ASIC2: variants seen among roughly 807,000 people sequenced by gnomAD.
The protein encoded by ASIC2 is acid-sensing ion channel 2.
A neutral mutation model predicts 57.3 loss-of-function variants in ASIC2; 25 were observed. The observed-to-expected ratio is 0.44, with a 90% CI of 0.32 to 0.61. ASIC2 has a LOEUF of 0.61. Among genes scored for constraint, ASIC2 ranks in the 20% least tolerant of loss-of-function variants. The pLI, the probability that ASIC2 is intolerant of heterozygous loss-of-function variation, is 0.06. For missense variants in ASIC2, 641 were observed against 738.1 expected (o/e 0.87, Z 1.52); for synonymous variants, 319 against 307.5 (o/e 1.04, Z -0.39).
In ASIC2 at chr17:33,014,067, C is replaced by G; in HGVS notation, c.1591-1G>C. 1 of 1,591,606 alleles carries G rather than the reference C, an allele frequency of 6.3e-7. No homozygotes were observed. The highest frequency in any genetic ancestry group is 8.6e-7 in the Non-Finnish European group (1 of 1,167,556). On this transcript the variant is annotated splice_acceptor_variant, in intron 9 of 9. Transcript: ENST00000225823. LOFTEE classifies it high-confidence loss of function. ...GGTTTGGCATTGTGTCACAAGTACTCTGGAAGGGAAGGGTTGGTGGGAGTT... is the reference window on the plus strand; with the variant it reads ...GGTTTGGCATTGTGTCACAAGTACTGTGGAAGGGAAGGGTTGGTGGGAGTT...
chr17:33,769,202 TG>T (rs1316968043), intron 1 of ASIC2, among the ~76,000 whole-genome samples: 2 of 152,196 alleles, frequency 1.3e-5, no homozygotes, highest in African/African-American at 4.8e-5. Context: ...TGCCATCCAT[TG>T]GGGTGTGGAC....
intron 1 of ASIC2, among the ~76,000 whole-genome samples, chr17:33,671,348 A>G (rs1907633498): frequency 6.6e-6 from 1 of 152,194 alleles, no homozygotes; most frequent in African/African-American, 2.4e-5. Flanking sequence ...CTTCAATAAT[A>G]AAGACTAACA....
At chr17:33,417,586 G>C (rs1672952296) in intron 1 of ASIC2, among the ~76,000 whole-genome samples, 1 of 152,120 alleles carries the variant, frequency 6.6e-6, no homozygotes, top group African/African-American at 2.4e-5. Flanking sequence ...TAGGCACTGG[G>C]GATGTGAAAA....
intron 1 of ASIC2, among the ~76,000 whole-genome samples, chr17:34,015,577 A>C (rs917367502): frequency 6.6e-6 from 1 of 152,164 alleles, no homozygotes; most frequent in African/African-American, 2.4e-5. Flanking sequence ...TCTCACAGGG[A>C]TGTTGTGGAA....
Position 33,947,600 on chromosome 17 carries a change from G to A in ASIC2, c.555+208378C>T, listed in dbSNP as rs34719329. Among the ~76,000 whole-genome samples, 1,155 of 152,266 alleles carry A rather than the reference G, an allele frequency of 7.6e-3. 23 individuals carry two copies. Among genetic ancestry groups the A allele is most frequent in the African/African-American group, 0.026 (1,099 of 41,536 alleles). On this transcript the variant is annotated intron_variant, in intron 1 of 9. Transcript: ENST00000359872. ...GGCAAAGGGACATTCGCATGCAAAAGCCACAAAGAAGGCATGTTCGACTGG... is the reference window on the plus strand; with the variant it reads ...GGCAAAGGGACATTCGCATGCAAAAACCACAAAGAAGGCATGTTCGACTGG...
intron 1 of ASIC2, among the ~76,000 whole-genome samples, chr17:34,144,778 C>A (rs1912373119): frequency 6.6e-6 from 1 of 152,172 alleles, no homozygotes; most frequent in Non-Finnish European, 1.5e-5. Flanking sequence ...ATGTTATTAT[C>A]TCAAGTGCCA....
At chr17:33,413,460 C>T (rs1910733345) in intron 1 of ASIC2, among the ~76,000 whole-genome samples, 1 of 152,150 alleles carries the variant, frequency 6.6e-6, no homozygotes, top group Non-Finnish European at 1.5e-5. Context: ...TCCAAGCTGC[C>T]CACTTCTCTC....
chr17:33,988,582 C>T (rs1420275199), intron 1 of ASIC2, among the ~76,000 whole-genome samples: 1 of 152,132 alleles, frequency 6.6e-6, no homozygotes, highest in Non-Finnish European at 1.5e-5. Flanking sequence ...CGACCCTTAG[C>T]AGATGCTGCT....
chr17:33,112,869 GAAAAC>G lies in ASIC2; in HGVS notation c.709-807_709-803del, dbSNP rs2092265100. 2 of 152,172 alleles carry G rather than the reference GAAAAC, an allele frequency of 1.3e-5. 1 individual carries two copies. Among genetic ancestry groups the G allele is most frequent in the Non-Finnish European group, 2.9e-5 (2 of 68,042 alleles). 9.4% of individuals were successfully genotyped at this position (152,172 alleles called of 1,614,324 possible). On this transcript the variant is annotated intron_variant, in intron 1 of 9. Transcript: ENST00000225823. ...AACCCTATCACATTAATCCTGTGCT[GAAAAC>G]CCATTAGAGATCCCTACGCTCTTTA...
chr17:33,642,660 T>A (rs3115693), intron 1 of ASIC2, among the ~76,000 whole-genome samples: 1 of 152,036 alleles, frequency 6.6e-6, no homozygotes, highest in Non-Finnish European at 1.5e-5. Context: ...CCCTTTGCTG[T>A]CCTTTCAGTT....
chr17:33,419,708 T>C (rs1910979158), intron 1 of ASIC2, among the ~76,000 whole-genome samples: 1 of 152,220 alleles, frequency 6.6e-6, no homozygotes, highest in Non-Finnish European at 1.5e-5. Flanking sequence ...AATTGTAGCA[T>C]TTTTGGTAAC....
chr17:34,137,574 G>A (rs376734940), intron 1 of ASIC2, among the ~76,000 whole-genome samples: 1 of 152,314 alleles, frequency 6.6e-6, no homozygotes, highest in African/African-American at 2.4e-5. Context: ...CTTTGTGTCC[G>A]TTGGGTGTTT....
intron 1 of ASIC2, among the ~76,000 whole-genome samples, chr17:33,355,461 A>G (rs1331715909): frequency 1.3e-5 from 2 of 151,846 alleles, no homozygotes; most frequent in African/African-American, 4.8e-5. Flanking sequence ...TTTCCATTGC[A>G]TAGTGTCCTG....
At chr17:33,224,712 T>C (rs1907815317) in intron 1 of ASIC2, among the ~76,000 whole-genome samples, 2 of 152,168 alleles carry the variant, frequency 1.3e-5, no homozygotes, top group Admixed American at 1.3e-4. Flanking sequence ...CCTCATGACT[T>C]ATGATATGGG....
intron 1 of ASIC2, among the ~76,000 whole-genome samples, chr17:33,590,368 G>A (rs1020565110): frequency 6.6e-6 from 1 of 152,132 alleles, no homozygotes; most frequent in African/African-American, 2.4e-5. Flanking sequence ...ACCATTGTGA[G>A]CCTCCAGTGA....
In ASIC2 at chr17:33,292,913, G is replaced by A; in HGVS notation, c.-798C>T. On this transcript the variant is annotated 5_prime_UTR_variant, in exon 1 of 10. Coordinates refer to ENST00000225823, the MANE Select transcript of ASIC2 (RefSeq NM_183377.2). ...GAGCTTCTCAGGGCGTCCTGCGGGA[G>A]GCTGTTCGCCGCCGGGGTCCTTCAA... 4 of 985,546 alleles carry A rather than the reference G, an allele frequency of 4.1e-6. No homozygotes were observed. The highest frequency in any genetic ancestry group is 4.8e-6 in the Non-Finnish European group (4 of 830,016). 61.1% of individuals were successfully genotyped at this position (985,546 alleles called of 1,614,324 possible).
In ASIC2 at chr17:33,730,009, G is replaced by C. The variant is rs148215353; in HGVS notation, c.555+425969C>G. On this transcript the variant is annotated intron_variant, in intron 1 of 9. Transcript: ENST00000359872. The stretch of plus-strand genomic sequence containing the variant: ...CTGCCTCACGCTAGCAAGATGTCTG[G>C]GATATTTCATTTTAATTATTTTATT... Among the ~76,000 whole-genome samples the C allele has an allele frequency of 8.5e-5, 13 of 152,200 alleles. No individual in the cohort carries two copies. In the East Asian group the frequency reaches 2.5e-3, roughly 29 times the overall value.
chr17:33,893,076 A>T (rs1223212235), intron 1 of ASIC2, among the ~76,000 whole-genome samples: 1 of 152,226 alleles, frequency 6.6e-6, no homozygotes, highest in African/African-American at 2.4e-5. Flanking sequence ...AAGAAATTAC[A>T]TACTATGGAA....
At chr17:33,255,726 C>T (rs1336379628) in intron 1 of ASIC2, among the ~76,000 whole-genome samples, 4 of 152,102 alleles carry the variant, frequency 2.6e-5, no homozygotes, top group Non-Finnish European at 4.4e-5. Flanking sequence ...AAACGAAAGG[C>T]TCTAAATAGC....
Sources: gnomAD v4.1 joint callset for allele counts (sites outside exome capture counted in the v4.1 genomes callset) on GRCh38, gnomAD v4.1.1 for gene constraint, MANE v1.5 for transcripts, NCBI Gene and HGNC (gene_info 2026-07-23, HGNC 2026-07-21) for gene names.